GLI3: variants seen among roughly 807,000 people sequenced by gnomAD.
GLI3 encodes GLI family zinc finger 3, also known as transcription activator GLI3.
A neutral mutation model predicts 100.8 loss-of-function variants in GLI3; 20 were observed. The ratio of observed to expected loss-of-function variants is 0.20; its 90% CI spans 0.14 to 0.29. The LOEUF (loss-of-function observed/expected upper bound fraction) is 0.29. GLI3 is among the 10% of genes least tolerant of loss of function. GLI3 has a pLI of 1.00. For synonymous variants in GLI3, 938 were observed against 860.5 expected (o/e 1.09, Z -1.58); for missense variants, 2,040 against 2,128.5 (o/e 0.96, Z 0.82).
chr7:42,224,903 C>T (rs910693347), intron 1 of GLI3, among the ~76,000 whole-genome samples: 9 of 152,094 alleles, frequency 5.9e-5, no homozygotes, highest in Non-Finnish European at 1.2e-4. Context: ...TTACTTTGGG[C>T]GGGAGGAAGT....
At chr7:42,042,013 CTTTTTTTTTTT>C (rs11324186) in intron 6 of GLI3, among the ~76,000 whole-genome samples, 1 of 116,358 alleles carries the variant, frequency 8.6e-6, no homozygotes, top group South Asian at 2.7e-4. Context: ...CAACGATTTC[CTTTTTTTTTTT>C]TTTTTTTTGA....
chr7:42,258,874 A>G (rs1395271463), intron 1 of GLI3, among the ~76,000 whole-genome samples: 3 of 152,116 alleles, frequency 2.0e-5, no homozygotes, highest in African/African-American at 4.8e-5. Flanking sequence ...GGGGGACACA[A>G]ACTTTTGGCC....
At chr7:42,246,448 A>G (rs988733327) in intron 1 of GLI3, among the ~76,000 whole-genome samples, 20 of 152,172 alleles carry the variant, frequency 1.3e-4, no homozygotes, top group South Asian at 4.1e-4. Flanking sequence ...CTCATATGTG[A>G]AAGTTTTTTT....
intron 3 of GLI3, among the ~76,000 whole-genome samples, chr7:42,090,689 G>T (rs1290159213): frequency 6.6e-6 from 1 of 152,144 alleles, no homozygotes; most frequent in Admixed American, 6.5e-5. Context: ...ACCTCACTCT[G>T]TCTCCTGAAC....
intron 6 of GLI3, among the ~76,000 whole-genome samples, chr7:42,044,387 G>A (rs1387826545): frequency 3.9e-5 from 6 of 152,148 alleles, no homozygotes; most frequent in African/African-American, 1.4e-4. Context: ...TGTCCTTAAA[G>A]GATCTGAAGA....
At chr7:42,102,235 G>A (rs1388641920) in intron 3 of GLI3, among the ~76,000 whole-genome samples, 12 of 152,222 alleles carry the variant, frequency 7.9e-5, no homozygotes, top group Non-Finnish European at 1.6e-4. Flanking sequence ...GGTATTTCTA[G>A]TTCTAGATCC....
chr7:41,968,752 GAAAGAAAGAAGGAAAGAAA>G lies in GLI3; in HGVS notation c.2104-848_2104-830del, dbSNP rs1562662061. On this transcript the variant is annotated intron_variant, in intron 13 of 14. Coordinates refer to ENST00000395925, the MANE Select transcript of GLI3 (RefSeq NM_000168.6). ...AGAAAGAAAGAAAGAAAGAAAGAAA[GAAAGAAAGAAGGAAAGAAA>G]GAAAGAAAGAAAGAAAGAAAGAAAG... Among the ~76,000 whole-genome samples, 15 of 121,500 alleles carry G rather than the reference GAAAGAAAGAAGGAAAGAAA, an allele frequency of 1.2e-4. 1 individual carries two copies. The highest frequency in any genetic ancestry group is 3.9e-4 in the African/African-American group (11 of 28,142). The allele number at this position is 121,500 out of a possible 152,430, so 79.7% of individuals were successfully genotyped here. A position where few individuals can be genotyped will look rare whatever the true frequency, so the allele number is the denominator to read the frequency against.
chr7:42,202,513 T>A (rs1788067516), intron 2 of GLI3, among the ~76,000 whole-genome samples: 1 of 152,202 alleles, frequency 6.6e-6, no homozygotes, highest in African/African-American at 2.4e-5. Context: ...CAGTATCGAT[T>A]GTATTCATTT....
intron 2 of GLI3, among the ~76,000 whole-genome samples, chr7:42,168,900 G>A (rs1035454260): frequency 2.0e-5 from 3 of 152,048 alleles, no homozygotes; most frequent in Admixed American, 1.3e-4. Flanking sequence ...TCTGGACAAT[G>A]AAGTGAAATC....
At chr7:42,168,057 G>C (rs1787280195) in intron 2 of GLI3, among the ~76,000 whole-genome samples, 1 of 152,092 alleles carries the variant, frequency 6.6e-6, no homozygotes, top group Non-Finnish European at 1.5e-5. Context: ...CAATTCAAAA[G>C]CCTTCCATTT....
At chr7:42,221,404 C>T (rs1279503470) in intron 2 of GLI3, among the ~76,000 whole-genome samples, 1 of 152,184 alleles carries the variant, frequency 6.6e-6, no homozygotes, top group African/African-American at 2.4e-5. Context: ...TTCTGCCATG[C>T]ACTTGTTCTT....
At chr7:42,046,350 A>C (rs1182920655) in intron 5 of GLI3, among the ~76,000 whole-genome samples, 1 of 152,196 alleles carries the variant, frequency 6.6e-6, no homozygotes, top group Non-Finnish European at 1.5e-5. Context: ...TCAATCAATA[A>C]AAGTTTTACG....
chr7:42,198,727 C>T (rs1286966952), intron 2 of GLI3, among the ~76,000 whole-genome samples: 4 of 151,846 alleles, frequency 2.6e-5, no homozygotes, highest in East Asian at 1.9e-4. Context: ...CCCTCTAGGG[C>T]GCAACTTTGA....
At chr7:42,023,984 C>T (rs1789025207) in intron 9 of GLI3, among the ~76,000 whole-genome samples, 1 of 152,090 alleles carries the variant, frequency 6.6e-6, no homozygotes, top group Non-Finnish European at 1.5e-5. Flanking sequence ...CAAATCAGGT[C>T]TTTACCCAAA....
At chr7:42,082,336 C>A (rs550568136) in intron 3 of GLI3, among the ~76,000 whole-genome samples, 1 of 152,228 alleles carries the variant, frequency 6.6e-6, no homozygotes, top group South Asian at 2.1e-4. Context: ...TTTGGACTGA[C>A]TCCAAGATGC....
At chr7:41,969,342 C>T (rs1243016674) in intron 13 of GLI3, among the ~76,000 whole-genome samples, 1 of 152,126 alleles carries the variant, frequency 6.6e-6, no homozygotes, top group Non-Finnish European at 1.5e-5. Context: ...TACACTCACT[C>T]GGTTACAGAG....
At chr7:42,113,473 C>T in intron 3 of GLI3, 3 of 776,526 alleles carry the variant, frequency 3.9e-6, no homozygotes, top group South Asian at 2.7e-5. Context: ...TCCTCCAAAG[C>T]CAGAGCAAGC....
intron 5 of GLI3, 58 bp downstream of exon 5, chr7:42,048,433 G>A (rs1784288975): frequency 8.8e-7 from 1 of 1,134,562 alleles, no homozygotes; most frequent in African/African-American, 1.5e-5. Flanking sequence ...CACGTCCCGA[G>A]TGAGGAGCGG....
At chr7:42,014,330 G>A (rs554928420) in intron 10 of GLI3, among the ~76,000 whole-genome samples, 48 of 152,214 alleles carry the variant, frequency 3.2e-4, no homozygotes, top group Non-Finnish European at 4.9e-4. Context: ...TCTGCCTTCC[G>A]GACATACTTT....
Sources: gnomAD v4.1 joint callset for allele counts (sites outside exome capture counted in the v4.1 genomes callset) on GRCh38, gnomAD v4.1.1 for gene constraint, MANE v1.5 for transcripts, NCBI Gene and HGNC (gene_info 2026-07-23, HGNC 2026-07-21) for gene names.